TRHDE: variants seen among roughly 807,000 people sequenced by gnomAD.
TRHDE encodes thyrotropin-releasing hormone-degrading ectoenzyme.
Under a neutral mutation model 125.7 loss-of-function variants are expected in TRHDE, and 72 were observed. The ratio of observed to expected loss-of-function variants is 0.57; its 90% CI spans 0.47 to 0.70. TRHDE has a LOEUF of 0.70. Among genes scored for constraint, TRHDE ranks in the 30% least tolerant of loss-of-function variants. The pLI is 0.00. For missense variants in TRHDE, 1,110 were observed against 1,327.1 expected, an observed-to-expected ratio of 0.84 and a Z score of 2.54; for synonymous variants, 509 against 509.1, an observed-to-expected ratio of 1.00 and a Z score of 0.00.
At position 72,352,950 on chromosome 12, in the gene TRHDE, CT is replaced by C. The variant is rs72274282; in HGVS notation, c.1189-25033del. On this transcript the variant is annotated intron_variant, in intron 2 of 18. Transcript: ENST00000261180. Reference sequence around the variant, plus strand: ...TGACAGAATTTGTACCTCTTCTGTACTTTTTTTTTTTTACTTTTTAAAAAAG... The same window carrying C: ...TGACAGAATTTGTACCTCTTCTGTACTTTTTTTTTTTACTTTTTAAAAAAG... Among the ~76,000 whole-genome samples, 220 of 143,606 alleles carry C rather than the reference CT, an allele frequency of 1.5e-3. 1 individual carries two copies. Among genetic ancestry groups the C allele is most frequent in the Middle Eastern group, 3.5e-3 (1 of 282 alleles). The allele number at this position is 143,606 out of a possible 152,430, so 94.2% of individuals were successfully genotyped here.
intron 6 of TRHDE, among the ~76,000 whole-genome samples, chr12:72,532,156 CTTG>C (rs1196428776): frequency 6.6e-6 from 1 of 151,708 alleles, no homozygotes; most frequent in African/African-American, 2.4e-5. Flanking sequence ...TGAAATTTTT[CTTG>C]TTTTGTTTTA....
At position 72,407,089 on chromosome 12, in the gene TRHDE, T is replaced by A. The variant is rs181544009; in HGVS notation, c.1315+28968T>A. On this transcript the variant is annotated intron_variant, in intron 3 of 18. Coordinates refer to ENST00000261180, the MANE Select transcript of TRHDE (RefSeq NM_013381.3). ...AGGATGAGTTGTCACAAAGGTTTTT[T>A]TTCAGAGAGCTACTGCTCTGTGGAG... 1.0e-3 allele frequency among the ~76,000 whole-genome samples: 153 copies of A among 152,308 alleles called. 2 individuals are homozygous for A. Among genetic ancestry groups the A allele is most frequent in the Admixed American group, 8.4e-3 (128 of 15,296 alleles).
intron 2 of TRHDE, among the ~76,000 whole-genome samples, chr12:72,165,251 T>C (rs1052209047): frequency 1.3e-5 from 2 of 152,186 alleles, no homozygotes. Flanking sequence ...CATTCTAGTA[T>C]ACCATCAAAT....
At chr12:72,419,441 C>T (rs1873862224) in intron 3 of TRHDE, among the ~76,000 whole-genome samples, 1 of 152,100 alleles carries the variant, frequency 6.6e-6, no homozygotes, top group African/African-American at 2.4e-5. Context: ...GCGTCTGCTC[C>T]TGGTGAGGGC....
chr12:72,504,305 A>ATT (rs748855139), intron 6 of TRHDE, among the ~76,000 whole-genome samples: 90 of 141,616 alleles, frequency 6.4e-4, no homozygotes, highest in African/African-American at 2.0e-3. Flanking sequence ...CACTAAGAAA[A>ATT]TTTTTTTTTT....
chr12:72,128,497 T>C (rs1393651594), intron 2 of TRHDE, among the ~76,000 whole-genome samples: 1 of 152,184 alleles, frequency 6.6e-6, no homozygotes, highest in Non-Finnish European at 1.5e-5. Context: ...ACACAGATGT[T>C]AAATTTTTTT....
intron 12 of TRHDE, among the ~76,000 whole-genome samples, chr12:72,581,082 C>T (rs1014061779): frequency 1.3e-5 from 2 of 151,854 alleles, no homozygotes; most frequent in African/African-American, 4.8e-5. Context: ...AGAGAATAAA[C>T]GTATGGCAGA....
intron 13 of TRHDE, among the ~76,000 whole-genome samples, chr12:72,620,312 G>A (rs1872991778): frequency 7.1e-6 from 1 of 141,756 alleles, no homozygotes; most frequent in South Asian, 2.2e-4. Context: ...GAGCCAACCT[G>A]GGCAACATGG....
chr12:72,327,120 A>C (rs1350037911), intron 2 of TRHDE, among the ~76,000 whole-genome samples: 2 of 151,928 alleles, frequency 1.3e-5, no homozygotes, highest in Non-Finnish European at 1.5e-5. Flanking sequence ...TCTCACTCAT[A>C]TCTCTCACAA....
At chr12:72,097,208 C>T (rs1158999560) in intron 1 of TRHDE, among the ~76,000 whole-genome samples, 2 of 152,126 alleles carry the variant, frequency 1.3e-5, no homozygotes, top group Non-Finnish European at 1.5e-5. Flanking sequence ...CAAATTGTGT[C>T]TGGCAGGTGG....
intron 2 of TRHDE, among the ~76,000 whole-genome samples, chr12:72,305,170 T>C (rs1463582198): frequency 6.6e-6 from 1 of 152,218 alleles, no homozygotes; most frequent in Non-Finnish European, 1.5e-5. Flanking sequence ...ATTTTGTATT[T>C]TTATTTAAAA....
intron 3 of TRHDE, among the ~76,000 whole-genome samples, chr12:72,430,371 G>T (rs895845772): frequency 7.4e-6 from 1 of 134,988 alleles, no homozygotes; most frequent in African/African-American, 2.9e-5. Context: ...ACATATATAC[G>T]TATATATACA....
At chr12:72,466,373 G>T (rs1020515069) in intron 3 of TRHDE, among the ~76,000 whole-genome samples, 1 of 152,158 alleles carries the variant, frequency 6.6e-6, no homozygotes, top group Non-Finnish European at 1.5e-5. Context: ...GAGGACTACA[G>T]CTTATGGAAT....
At chr12:72,492,580 T>C (rs1318019067) in intron 5 of TRHDE, among the ~76,000 whole-genome samples, 3 of 151,894 alleles carry the variant, frequency 2.0e-5, no homozygotes, top group South Asian at 2.1e-4. Context: ...TTTTCAACTC[T>C]TGATCATATT....
intron 6 of TRHDE, among the ~76,000 whole-genome samples, chr12:72,507,259 A>G (rs1345078098): frequency 6.6e-6 from 1 of 152,226 alleles, no homozygotes; most frequent in Non-Finnish European, 1.5e-5. Context: ...CTGTAAAGAT[A>G]CCTGAAAATA....
intron 6 of TRHDE, among the ~76,000 whole-genome samples, chr12:72,542,083 T>C (rs997368524): frequency 6.6e-6 from 1 of 151,378 alleles, no homozygotes; most frequent in African/African-American, 2.4e-5. Context: ...TTTGTGGTTG[T>C]AGGTTTTACA....
At chr12:72,381,771 G>T (rs1302411620) in intron 3 of TRHDE, among the ~76,000 whole-genome samples, 5 of 152,222 alleles carry the variant, frequency 3.3e-5, no homozygotes, top group Admixed American at 3.3e-4. Flanking sequence ...AAGACTTTTG[G>T]CCTGAGAACC....
intron 6 of TRHDE, among the ~76,000 whole-genome samples, chr12:72,528,614 G>A (rs1427645767): frequency 2.6e-5 from 4 of 151,940 alleles, no homozygotes; most frequent in African/African-American, 9.7e-5. Flanking sequence ...TCATCCTCCT[G>A]AGTAGCTAGG....
chr12:72,447,405 G>A (rs1875347370), intron 3 of TRHDE, among the ~76,000 whole-genome samples: 1 of 152,144 alleles, frequency 6.6e-6, no homozygotes, highest in Admixed American at 6.6e-5. Context: ...ATGCCCACAA[G>A]AGAAAGCAGG....
Sources: allele counts gnomAD v4.1 joint callset (sites outside exome capture counted in the v4.1 genomes callset), GRCh38; gene constraint gnomAD v4.1.1; transcripts MANE v1.5; gene names NCBI Gene and HGNC (gene_info 2026-07-23, HGNC 2026-07-21).